ADAMTSL3: variants seen among roughly 807,000 people sequenced by gnomAD.
ADAMTSL3 encodes ADAMTS like 3.
In ADAMTSL3, 128 loss-of-function variants were observed where a neutral mutation model predicts 201.7. The observed-to-expected ratio is 0.63, with a 90% CI of 0.55 to 0.73. The LOEUF (loss-of-function observed/expected upper bound fraction) is 0.73, where lower values mean the gene tolerates loss of function less well. Among genes scored for constraint, ADAMTSL3 ranks in the 30% least tolerant of loss-of-function variants. The pLI, the probability that ADAMTSL3 is intolerant of heterozygous loss-of-function variation, is 0.00. For missense variants in ADAMTSL3, 1,990 were observed against 2,119.6 expected, an observed-to-expected ratio of 0.94 and a Z score of 1.20; for synonymous variants, 738 against 748.4, an observed-to-expected ratio of 0.99 and a Z score of 0.23.
chr15:83,991,523 A>G (rs1253661635), intron 23 of ADAMTSL3, among the ~76,000 whole-genome samples: 1 of 151,998 alleles, frequency 6.6e-6, no homozygotes, highest in African/African-American at 2.4e-5. Context: ...TAGATCTACA[A>G]AAGAGGCCAA....
intron 2 of ADAMTSL3, among the ~76,000 whole-genome samples, chr15:83,662,862 C>T (rs1027344720): frequency 2.0e-5 from 3 of 152,198 alleles, no homozygotes; most frequent in Admixed American, 6.5e-5. Flanking sequence ...GCTCTTTACT[C>T]AACTGGATAC....
intron 13 of ADAMTSL3, among the ~76,000 whole-genome samples, chr15:83,895,493 C>T (rs1027694066): frequency 1.3e-5 from 2 of 152,326 alleles, no homozygotes; most frequent in South Asian, 2.1e-4. Flanking sequence ...ATTCACCATA[C>T]TTCACCCTTA....
intron 19 of ADAMTSL3, among the ~76,000 whole-genome samples, chr15:83,966,982 C>G (rs1014536850): frequency 5.9e-5 from 9 of 152,034 alleles, no homozygotes; most frequent in African/African-American, 9.7e-5. Context: ...AATTCAACAC[C>G]CCTTCATGCT....
At chr15:83,743,597 A>G (rs1285401428) in intron 3 of ADAMTSL3, among the ~76,000 whole-genome samples, 1 of 151,914 alleles carries the variant, frequency 6.6e-6, no homozygotes, top group Non-Finnish European at 1.5e-5. Flanking sequence ...CCTGCACAAA[A>G]GCATCAAGGT....
chr15:83,759,327 G>A (rs560446239), intron 3 of ADAMTSL3, among the ~76,000 whole-genome samples: 6 of 151,780 alleles, frequency 4.0e-5, no homozygotes, highest in Admixed American at 2.6e-4. Context: ...CCGGGTTCAC[G>A]CCATTCTCCT....
At chr15:83,756,369 G>A (rs1376970262) in intron 3 of ADAMTSL3, among the ~76,000 whole-genome samples, 1 of 152,188 alleles carries the variant, frequency 6.6e-6, no homozygotes, top group Non-Finnish European at 1.5e-5. Context: ...AGAGCAAAGG[G>A]ACATCTTAAT....
chr15:83,932,022 G>C (rs895243191), intron 17 of ADAMTSL3, among the ~76,000 whole-genome samples: 5 of 152,122 alleles, frequency 3.3e-5, no homozygotes, highest in African/African-American at 1.2e-4. Context: ...TGAAACTACA[G>C]AAAATCAGGG....
At chr15:83,786,732 TCTTA>T (rs1416822376) in intron 4 of ADAMTSL3, among the ~76,000 whole-genome samples, 2 of 152,204 alleles carry the variant, frequency 1.3e-5, no homozygotes, top group Non-Finnish European at 2.9e-5. Flanking sequence ...TCTGGCTAAT[TCTTA>T]CTTATTCTTC....
chr15:83,832,734 C>CAT (rs936215154), intron 6 of ADAMTSL3, among the ~76,000 whole-genome samples: 1 of 152,104 alleles, frequency 6.6e-6, no homozygotes, highest in African/African-American at 2.4e-5. Context: ...ATAGACTACA[C>CAT]ATAAGTCTTG....
At chr15:84,035,555 G>A (rs1224005711) in intron 28 of ADAMTSL3, among the ~76,000 whole-genome samples, 1 of 152,182 alleles carries the variant, frequency 6.6e-6, no homozygotes. Flanking sequence ...GGACAGCACT[G>A]TGTTAAGTAA....
intron 23 of ADAMTSL3, among the ~76,000 whole-genome samples, chr15:83,993,644 A>T: frequency 6.6e-6 from 1 of 152,216 alleles, no homozygotes; most frequent in East Asian, 1.9e-4. Flanking sequence ...AGTCATTCTT[A>T]GAGATATTTC....
chr15:83,990,680 A>G (rs1022341848), intron 22 of ADAMTSL3, among the ~76,000 whole-genome samples: 1 of 152,174 alleles, frequency 6.6e-6, no homozygotes, highest in Non-Finnish European at 1.5e-5. Flanking sequence ...TTGGCCCTAC[A>G]TTAATTCATT....
chr15:83,680,147 A>C (rs951648019), intron 2 of ADAMTSL3, among the ~76,000 whole-genome samples: 4 of 152,154 alleles, frequency 2.6e-5, no homozygotes, highest in African/African-American at 9.7e-5. Context: ...TGGAGAGAGC[A>C]GGCTTTTATT....
intron 3 of ADAMTSL3, among the ~76,000 whole-genome samples, chr15:83,744,708 A>T (rs1178158155): frequency 6.6e-6 from 1 of 152,170 alleles, no homozygotes; most frequent in Non-Finnish European, 1.5e-5. Flanking sequence ...TTACCTATCT[A>T]ACTTAAATTT....
In ADAMTSL3 at chr15:83,754,516, T is replaced by C. The variant is rs191292912; in HGVS notation, c.190-19007T>C. ...TTAACATTTTAAAAATGTTAGATGT[T>C]GTTTTAAAAATCCAGCAGTTTGGAA... On this transcript the variant is annotated intron_variant, in intron 3 of 29. Transcript: ENST00000286744. 4.6e-5 allele frequency among the ~76,000 whole-genome samples: 7 copies of C among 152,332 alleles called. No individual in the cohort carries two copies. The East Asian group carries it at 1.3e-3, about 29-fold the overall frequency.
intron 4 of ADAMTSL3, among the ~76,000 whole-genome samples, chr15:83,796,849 C>T (rs1299111205): frequency 2.0e-5 from 3 of 151,894 alleles, no homozygotes; most frequent in Admixed American, 6.6e-5. Flanking sequence ...ATATGATTAT[C>T]GATAGTCAGA....
At chr15:83,743,436 C>A (rs1157468413) in intron 3 of ADAMTSL3, among the ~76,000 whole-genome samples, 1 of 150,494 alleles carries the variant, frequency 6.6e-6, no homozygotes, top group Non-Finnish European at 1.5e-5. Context: ...TGGCGTGAAC[C>A]CGGGAAGCGG....
intron 27 of ADAMTSL3, 150 bp from the exon 28 acceptor site, chr15:84,031,185 C>G (rs2068402140): frequency 2.7e-6 from 2 of 734,810 alleles, no homozygotes; most frequent in East Asian, 5.0e-5. Context: ...CAGAGCTGTA[C>G]CCTAATCCTC....
intron 15 of ADAMTSL3, among the ~76,000 whole-genome samples, chr15:83,900,690 T>C (rs551791131): frequency 6.6e-6 from 1 of 152,304 alleles, no homozygotes; most frequent in East Asian, 1.9e-4. Context: ...TTCACTGCAT[T>C]AAGAGACACC....
Sources: gnomAD v4.1 joint callset for allele counts (sites outside exome capture counted in the v4.1 genomes callset) on GRCh38, gnomAD v4.1.1 for gene constraint, MANE v1.5 for transcripts, NCBI Gene and HGNC (gene_info 2026-07-23, HGNC 2026-07-21) for gene names.